DIAPH2: variants seen among roughly 807,000 people sequenced by gnomAD.
DIAPH2 encodes diaphanous related formin 2, also known as protein diaphanous homolog 2.
A neutral mutation model predicts 92.7 loss-of-function variants in DIAPH2; 35 were observed. The observed-to-expected ratio is 0.38, with a 90% CI of 0.29 to 0.50. The LOEUF (loss-of-function observed/expected upper bound fraction) is 0.50, where lower values mean the gene tolerates loss of function less well. DIAPH2 is among the 20% of genes least tolerant of loss of function. The pLI, the probability that DIAPH2 is intolerant of heterozygous loss-of-function variation, is 0.94. For missense variants in DIAPH2, 701 were observed against 819.5 expected, an observed-to-expected ratio of 0.86 and a Z score of 1.77; for synonymous variants, 301 against 280.4, an observed-to-expected ratio of 1.07 and a Z score of -0.73.
intron 23 of DIAPH2, among the ~76,000 whole-genome samples, chrX:97,250,282 C>T (rs2068178176): frequency 9.0e-6 from 1 of 111,452 alleles, no homozygotes; most frequent in South Asian, 3.8e-4. Context: ...TGGAAAGTAA[C>T]TTTAGCTACT....
At chrX:97,348,060 GTGAT>G (rs2069174400) in intron 23 of DIAPH2, 52 bp from the exon 24 acceptor site, 2 of 1,073,527 alleles carry the variant, frequency 1.9e-6, no homozygotes, top group South Asian at 2.0e-5. Context: ...TTAACATCTA[GTGAT>G]TGATTGCCTT....
At chrX:97,330,713 A>ATG (rs1168512982) in intron 23 of DIAPH2, among the ~76,000 whole-genome samples, 1 of 110,692 alleles carries the variant, frequency 9.0e-6, no homozygotes, top group Non-Finnish European at 1.9e-5. Context: ...GGGTCTCACC[A>ATG]TGTTGGTCAG....
rs1379685576 is a variant in DIAPH2 at position 97,347,439 on chromosome X, GA to G, written c.2845-668del. 2.9e-4 allele frequency among the ~76,000 whole-genome samples: 32 copies of G among 108,811 alleles called. No individual in the cohort carries two copies. In the South Asian group the frequency reaches 6.4e-3, roughly 22 times the overall value. The allele number at this position is 108,811 out of a possible 115,157, so 94.5% of individuals were successfully genotyped here. Reference sequence around the variant, plus strand: ...TATAGAGATGTATATTAAAAAGAGAGAAAAAAAAATATATATATAGTTTTTT... The same window carrying G: ...TATAGAGATGTATATTAAAAAGAGAGAAAAAAAATATATATATAGTTTTTT... On this transcript the variant is annotated intron_variant, in intron 23 of 26. Coordinates refer to ENST00000324765, the MANE Select transcript of DIAPH2 (RefSeq NM_006729.5).
intron 1 of DIAPH2, among the ~76,000 whole-genome samples, chrX:96,720,336 G>T (rs2063981992): frequency 9.0e-6 from 1 of 110,954 alleles, no homozygotes; most frequent in Non-Finnish European, 1.9e-5. Flanking sequence ...GGCACATATT[G>T]TATTTTTATT....
intron 26 of DIAPH2, among the ~76,000 whole-genome samples, chrX:97,574,450 C>CAA (rs761462162): frequency 2.3e-3 from 233 of 103,121 alleles, no homozygotes; most frequent in Middle Eastern, 9.8e-3. Context: ...TTACAGGTAC[C>CAA]AAAAAAAAAA....
At chrX:97,349,551 G>A (rs1301912150) in intron 24 of DIAPH2, among the ~76,000 whole-genome samples, 1 of 111,238 alleles carries the variant, frequency 9.0e-6, no homozygotes, top group East Asian at 2.8e-4. Flanking sequence ...ATATGAATAT[G>A]CTTGTGGAAA....
At position 96,749,382 on chromosome X, in the gene DIAPH2, T is replaced by G. The variant is rs185884973; in HGVS notation, c.343-8772T>G. Among the ~76,000 whole-genome samples the G allele has an allele frequency of 1.3e-3, 146 of 110,743 alleles. 1 individual carries two copies. Among genetic ancestry groups the G allele is most frequent in the African/African-American group, 4.6e-3 (141 of 30,608 alleles). The stretch of plus-strand genomic sequence containing the variant: ...GTGAGAACAGTGTCACTATGTCATT[T>G]TTTTATGTCTTGCTTAAAAATAGGC... On this transcript the variant is annotated intron_variant, in intron 3 of 26. Coordinates refer to ENST00000324765, the MANE Select transcript of DIAPH2 (RefSeq NM_006729.5).
At chrX:96,948,903 T>C (rs370846332) in intron 14 of DIAPH2, 32 bp from the exon 15 acceptor site, 34 of 974,241 alleles carry the variant, frequency 3.5e-5, no homozygotes, top group Non-Finnish European at 4.6e-5. Flanking sequence ...AAAACTATAT[T>C]ATTAACTGTA....
intron 13 of DIAPH2, among the ~76,000 whole-genome samples, chrX:96,943,918 T>C: frequency 9.0e-6 from 1 of 111,673 alleles, no homozygotes; most frequent in East Asian, 2.8e-4. Context: ...ATTTAACTTC[T>C]CTAGGTTTTA....
At chrX:96,784,701 T>C (rs954381062) in intron 4 of DIAPH2, among the ~76,000 whole-genome samples, 4 of 112,451 alleles carry the variant, frequency 3.6e-5, no homozygotes, top group African/African-American at 9.7e-5. Context: ...TGATGGAATA[T>C]GGTCCAAAAG....
chrX:97,173,860 T>C (rs2067471767), intron 22 of DIAPH2, among the ~76,000 whole-genome samples: 1 of 107,692 alleles, frequency 9.3e-6, no homozygotes, highest in Non-Finnish European at 1.9e-5. Context: ...CAGTGAGTCA[T>C]GATTGCTACT....
chrX:97,475,311 C>T (rs1490886751), intron 26 of DIAPH2, among the ~76,000 whole-genome samples: 4 of 112,166 alleles, frequency 3.6e-5, no homozygotes, highest in African/African-American at 1.3e-4. Context: ...ATTTCCTATG[C>T]GGTTGTCGAT....
intron 23 of DIAPH2, among the ~76,000 whole-genome samples, chrX:97,339,336 G>A (rs1414039647): frequency 9.1e-6 from 1 of 110,131 alleles, no homozygotes; most frequent in African/African-American, 3.3e-5. Flanking sequence ...CCAACATGAT[G>A]AAACCCCATC....
chrX:97,349,320 C>T (rs1255524364), intron 24 of DIAPH2, among the ~76,000 whole-genome samples: 2 of 110,059 alleles, frequency 1.8e-5, no homozygotes, highest in African/African-American at 3.3e-5. Context: ...AACTCCTGAC[C>T]TCAAGTGATC....
At chrX:96,983,350 C>T (rs55956236) in intron 17 of DIAPH2, among the ~76,000 whole-genome samples, 33,640 of 110,010 alleles carry the variant, frequency 0.31, 4,680 homozygotes, top group South Asian at 0.51. Flanking sequence ...GAATTCATGA[C>T]CTTAGTGTTA....
At chrX:96,954,975 T>C (rs1222819278) in intron 15 of DIAPH2, among the ~76,000 whole-genome samples, 3 of 112,843 alleles carry the variant, frequency 2.7e-5, no homozygotes, top group Admixed American at 9.3e-5. Context: ...GCCCAAGCCA[T>C]ACACTGTACT....
chrX:96,921,648 T>A (rs1377597098), intron 9 of DIAPH2, among the ~76,000 whole-genome samples: 3 of 109,338 alleles, frequency 2.7e-5, no homozygotes, highest in African/African-American at 9.9e-5. Flanking sequence ...AAATTTTACT[T>A]CCCTTGACTT....
intron 3 of DIAPH2, among the ~76,000 whole-genome samples, chrX:96,747,162 T>G (rs1249941984): frequency 1.8e-5 from 2 of 110,980 alleles, no homozygotes; most frequent in African/African-American, 6.6e-5. Context: ...AGAGGGGTGT[T>G]GGGAGAGGGG....
At chrX:97,469,377 C>A (rs2147808472) in intron 26 of DIAPH2, among the ~76,000 whole-genome samples, 1 of 112,101 alleles carries the variant, frequency 8.9e-6, no homozygotes, top group African/African-American at 3.2e-5. Context: ...CGCATCTATT[C>A]ATTAACTTAC....
Sources: allele counts gnomAD v4.1 joint callset (sites outside exome capture counted in the v4.1 genomes callset), GRCh38; gene constraint gnomAD v4.1.1; transcripts MANE v1.5; gene names NCBI Gene and HGNC (gene_info 2026-07-23, HGNC 2026-07-21).